ZNF365: variants seen among roughly 807,000 people sequenced by gnomAD.
ZNF365 encodes zinc finger protein 365, also known as protein ZNF365.
Under a neutral mutation model 35.0 loss-of-function variants are expected in ZNF365, and 22 were observed. That is an observed-to-expected ratio of 0.63 (90% CI 0.45 to 0.90). The LOEUF (loss-of-function observed/expected upper bound fraction) is 0.90. Among genes scored for constraint, ZNF365 ranks in the 40% least tolerant of loss-of-function variants. The probability of loss-of-function intolerance (pLI) is 0.00; values close to 1 mark genes in which losing one functional copy is unlikely to be tolerated. For missense variants in ZNF365, 448 were observed against 500.3 expected (o/e 0.90, Z 1.00); for synonymous variants, 188 against 196.2 (o/e 0.96, Z 0.35).
chr10:62,412,088 A>G (rs888442533), intron 3 of ZNF365, among the ~76,000 whole-genome samples: 3 of 152,154 alleles, frequency 2.0e-5, no homozygotes, highest in Admixed American at 1.3e-4. Context: ...CTTATCCATC[A>G]CTATCAAATT....
chr10:62,388,654 G>T (rs964013510), intron 3 of ZNF365, 78 bp downstream of exon 3: 37 of 1,532,986 alleles, frequency 2.4e-5, no homozygotes, highest in Non-Finnish European at 3.3e-5. Context: ...AGAAAAGGGA[G>T]CTGGGTGACT....
intron 3 of ZNF365, among the ~76,000 whole-genome samples, chr10:62,457,089 T>C (rs1273257608): frequency 6.6e-6 from 1 of 152,136 alleles, no homozygotes; most frequent in Admixed American, 6.5e-5. Context: ...GTTCCATATG[T>C]CTCTTATCTT....
intron 3 of ZNF365, among the ~76,000 whole-genome samples, chr10:62,431,000 T>C (rs1248117202): frequency 6.6e-6 from 1 of 152,236 alleles, no homozygotes; most frequent in Non-Finnish European, 1.5e-5. Flanking sequence ...GGTATAATTA[T>C]AGTGTTTCCC....
intron 3 of ZNF365, among the ~76,000 whole-genome samples, chr10:62,407,664 T>C (rs1252323625): frequency 6.6e-6 from 1 of 152,220 alleles, no homozygotes. Context: ...GCTGTCTCAG[T>C]GTATTGAACT....
At chr10:62,452,814 C>T (rs989754638) in intron 3 of ZNF365, among the ~76,000 whole-genome samples, 4 of 152,200 alleles carry the variant, frequency 2.6e-5, no homozygotes, top group African/African-American at 9.7e-5. Context: ...TGTTAGTAGA[C>T]AAGTAGAAAT....
chr10:62,463,179 C>G (rs1220796948), intron 4 of ZNF365, among the ~76,000 whole-genome samples: 1 of 152,224 alleles, frequency 6.6e-6, no homozygotes, highest in Non-Finnish European at 1.5e-5. Context: ...CTCCTGCGTG[C>G]AAAGCTCTCA....
In ZNF365 at chr10:62,401,569, A is replaced by T. The variant is rs554611650; in HGVS notation, c.*1780A>T. The stretch of plus-strand genomic sequence containing the variant: ...GCTGTGAATAGCACTGTTTAGGCTA[A>T]CATTGTAAAAATTGTAATGTTATAA... On this transcript the variant is annotated 3_prime_UTR_variant, in exon 5 of 5. Coordinates refer to ENST00000395254, the MANE Select transcript of ZNF365 (RefSeq NM_014951.3). 3.6e-5 allele frequency: 35 copies of T among 984,992 alleles called. 1 individual carries two copies. The East Asian group carries it at 3.9e-3, about 110-fold the overall frequency. The allele number at this position is 984,992 out of a possible 1,614,324, so 61.0% of individuals were successfully genotyped here. A position where few individuals can be genotyped will look rare whatever the true frequency, so the allele number is the denominator to read the frequency against.
At chr10:62,386,607 G>C (rs1053422251) in intron 2 of ZNF365, among the ~76,000 whole-genome samples, 2 of 152,198 alleles carry the variant, frequency 1.3e-5, no homozygotes, top group African/African-American at 4.8e-5. Flanking sequence ...TGTCAGAAAA[G>C]TTTCAGTATG....
At chr10:62,465,848 C>G (rs1589469774) in intron 4 of ZNF365, among the ~76,000 whole-genome samples, 3 of 152,154 alleles carry the variant, frequency 2.0e-5, no homozygotes, top group Admixed American at 2.0e-4. Context: ...TGACACACTC[C>G]CAGACTGTGG....
intron 4 of ZNF365, among the ~76,000 whole-genome samples, chr10:62,399,054 A>T (rs1839779131): frequency 6.6e-6 from 1 of 152,186 alleles, no homozygotes; most frequent in Admixed American, 6.5e-5. Context: ...TTATTGAGGT[A>T]TAGTGTGGTC....
intron 3 of ZNF365, among the ~76,000 whole-genome samples, chr10:62,441,999 C>T (rs1371025717): frequency 6.6e-6 from 1 of 152,138 alleles, no homozygotes; most frequent in Non-Finnish European, 1.5e-5. Flanking sequence ...GTCTTGATTT[C>T]TGATTTTCTT....
intron 4 of ZNF365, among the ~76,000 whole-genome samples, chr10:62,476,785 G>T (rs1333336157): frequency 6.6e-6 from 1 of 152,234 alleles, no homozygotes; most frequent in Admixed American, 6.5e-5. Context: ...TGTCATGAAT[G>T]CTGTCTCTCA....
At chr10:62,393,105 C>T (rs1243930246) in intron 3 of ZNF365, among the ~76,000 whole-genome samples, 17 of 150,478 alleles carry the variant, frequency 1.1e-4, no homozygotes, top group Admixed American at 1.1e-3. Flanking sequence ...TATTCCTGTT[C>T]GCATCTTTTC....
At chr10:62,473,483 C>T (rs1841077510) in intron 4 of ZNF365, among the ~76,000 whole-genome samples, 1 of 152,084 alleles carries the variant, frequency 6.6e-6, no homozygotes, top group Non-Finnish European at 1.5e-5. Flanking sequence ...TTATGAGTTT[C>T]GATTTGGGGG....
chr10:62,431,839 TTTTG>T (rs955631725), intron 3 of ZNF365, among the ~76,000 whole-genome samples: 2 of 152,138 alleles, frequency 1.3e-5, no homozygotes, highest in South Asian at 2.1e-4. Flanking sequence ...GCATTTGGGT[TTTTG>T]TTTGTTTGTT....
chr10:62,465,689 A>T (rs2077316), intron 4 of ZNF365, among the ~76,000 whole-genome samples: 2 of 152,206 alleles, frequency 1.3e-5, no homozygotes, highest in South Asian at 2.1e-4. Flanking sequence ...TCTGCAGCTC[A>T]GTAAAGCTCC....
intron 3 of ZNF365, among the ~76,000 whole-genome samples, chr10:62,448,588 G>A (rs992824750): frequency 6.6e-6 from 1 of 151,968 alleles, no homozygotes; most frequent in South Asian, 2.1e-4. Context: ...ACACATAAAC[G>A]GTCCCCTTTA....
intron 3 of ZNF365, among the ~76,000 whole-genome samples, chr10:62,420,375 T>G (rs2132447089): frequency 6.6e-6 from 1 of 152,362 alleles, no homozygotes; most frequent in African/African-American, 2.4e-5. Flanking sequence ...TTCAGTTTGA[T>G]GGAGCTTCCA....
At chr10:62,410,655 T>C (rs940940932) in intron 3 of ZNF365, among the ~76,000 whole-genome samples, 6 of 152,164 alleles carry the variant, frequency 3.9e-5, no homozygotes, top group Non-Finnish European at 5.9e-5. Context: ...ATGAGGATAA[T>C]GGCTTCCAGC....
Sources: allele counts gnomAD v4.1 joint callset (sites outside exome capture counted in the v4.1 genomes callset), GRCh38; gene constraint gnomAD v4.1.1; transcripts MANE v1.5; gene names NCBI Gene and HGNC (gene_info 2026-07-23, HGNC 2026-07-21).